DMD: variants seen among roughly 807,000 people sequenced by gnomAD.
DMD encodes the protein mutant dystrophin.
In DMD, 63 loss-of-function variants were observed where a neutral mutation model predicts 330.1. The ratio of observed to expected loss-of-function variants is 0.19; its 90% CI spans 0.16 to 0.24. The LOEUF (loss-of-function observed/expected upper bound fraction) is 0.24, where lower values mean the gene tolerates loss of function less well. DMD is among the 10% of genes least tolerant of loss of function. The pLI, the probability that DMD is intolerant of heterozygous loss-of-function variation, is 1.00. For synonymous variants in DMD, 1,223 were observed against 959.8 expected, an observed-to-expected ratio of 1.27 and a Z score of -5.07; for missense variants, 3,344 against 2,684.1, an observed-to-expected ratio of 1.25 and a Z score of -5.43.
intron 2 of DMD, among the ~76,000 whole-genome samples, chrX:33,007,150 C>A (rs2093412928): frequency 9.0e-6 from 1 of 110,726 alleles, no homozygotes. Context: ...CTGTTCAGAA[C>A]TCTCAAAATC....
At chrX:33,027,404 C>T in intron 1 of DMD, among the ~76,000 whole-genome samples, 1 of 112,451 alleles carries the variant, frequency 8.9e-6, no homozygotes, top group Non-Finnish European at 1.9e-5. Context: ...GCCCTTCTGG[C>T]ATCATGATTT....
chrX:32,253,902 G>A (rs773238369), intron 43 of DMD, among the ~76,000 whole-genome samples: 86 of 111,413 alleles, frequency 7.7e-4, no homozygotes, highest in Non-Finnish European at 1.4e-3. Context: ...GATTACAGGC[G>A]TGAGCCACCA....
chrX:32,872,714 T>G (rs2083091888), intron 2 of DMD, among the ~76,000 whole-genome samples: 1 of 111,685 alleles, frequency 9.0e-6, no homozygotes, highest in South Asian at 3.7e-4. Flanking sequence ...CAAAGGGAAG[T>G]AGGGGAAGTG....
At chrX:31,576,487 G>A (rs749115477) in intron 55 of DMD, among the ~76,000 whole-genome samples, 5 of 106,978 alleles carry the variant, frequency 4.7e-5, no homozygotes, top group Non-Finnish European at 7.7e-5. Context: ...GCCTGACTTT[G>A]TATCCCTGTT....
intron 2 of DMD, among the ~76,000 whole-genome samples, chrX:32,878,654 AAAT>A (rs1363811665): frequency 9.0e-6 from 1 of 111,023 alleles, no homozygotes; most frequent in African/African-American, 3.3e-5. Flanking sequence ...ACTGATTTTT[AAAT>A]AATATCAAAT....
chrX:33,098,484 T>A (rs1489695576), intron 1 of DMD, among the ~76,000 whole-genome samples: 1 of 111,309 alleles, frequency 9.0e-6, no homozygotes, highest in Non-Finnish European at 1.9e-5. Flanking sequence ...AGCATAACCA[T>A]AACCTAGGGC....
chrX:32,610,089 A>G (rs12385244), intron 12 of DMD, among the ~76,000 whole-genome samples: 1 of 111,341 alleles, frequency 9.0e-6, no homozygotes. Flanking sequence ...AAATCCTTTC[A>G]TTCTTTGTCA....
chrX:32,006,767 T>C (rs2095664354), intron 44 of DMD, among the ~76,000 whole-genome samples: 1 of 110,217 alleles, frequency 9.1e-6, no homozygotes, highest in African/African-American at 3.3e-5. Flanking sequence ...ATCCAAAGAC[T>C]GGTGTCCTTT....
intron 1 of DMD, among the ~76,000 whole-genome samples, chrX:33,198,136 A>C (rs979588358): frequency 2.8e-4 from 31 of 111,064 alleles, no homozygotes; most frequent in African/African-American, 1.0e-3. Context: ...GTGTATAGTG[A>C]TAACTCATTG....
intron 28 of DMD, 28 bp downstream of exon 28, chrX:32,441,152 T>C (rs773481760): frequency 8.3e-7 from 1 of 1,201,644 alleles, no homozygotes; most frequent in Non-Finnish European, 1.1e-6. Context: ...ATATAAATTA[T>C]CATCATTTGG....
rs1488207648 is a variant in DMD, at chrX:32,496,522, C to T, written c.2381-5004G>A. On this transcript the variant is annotated intron_variant, in intron 19 of 78. Transcript: ENST00000357033. ...GGCAATATAAATTTTACTAATATAG[C>T]CCTTTTGCGTTTTTATTTTCAAACA... 2.7e-5 allele frequency among the ~76,000 whole-genome samples: 3 copies of T among 111,634 alleles called. No individual in the cohort carries two copies. The East Asian group carries it at 8.5e-4, about 32-fold the overall frequency.
At chrX:32,189,689 G>C (rs747054085) in intron 44 of DMD, among the ~76,000 whole-genome samples, 2 of 109,587 alleles carry the variant, frequency 1.8e-5, no homozygotes, top group East Asian at 5.7e-4. Flanking sequence ...AAGTACATGG[G>C]ACTTTCCAGC....
At chrX:31,353,085 GAGAT>G (rs2058508446) in intron 60 of DMD, among the ~76,000 whole-genome samples, 2 of 110,904 alleles carry the variant, frequency 1.8e-5, no homozygotes, top group South Asian at 7.6e-4. Context: ...AATATTGAAA[GAGAT>G]AGGCAAAAAA....
At chrX:32,491,888 TATC>T (rs752126727) in intron 19 of DMD, among the ~76,000 whole-genome samples, 12 of 112,215 alleles carry the variant, frequency 1.1e-4, no homozygotes, top group Non-Finnish European at 1.9e-4. Flanking sequence ...ACATTTTACA[TATC>T]ATACATATTA....
rs192276577 is a variant in DMD at position 32,604,618 on chromosome X, C to G, written c.1483-8742G>C. On this transcript the variant is annotated intron_variant, in intron 12 of 78. Transcript: ENST00000357033. ...TGGGAAAAAGAAAGTCAAATGATTTCTCTTCACTGATGATAGGATTTTACA... is the reference window on the plus strand; with the variant it reads ...TGGGAAAAAGAAAGTCAAATGATTTGTCTTCACTGATGATAGGATTTTACA... Among the ~76,000 whole-genome samples the G allele has an allele frequency of 9.0e-3, 989 of 110,494 alleles. 19 individuals carry two copies. The highest frequency in any genetic ancestry group is 0.037 in the Admixed American group (386 of 10,390).
intron 9 of DMD, among the ~76,000 whole-genome samples, chrX:32,674,413 A>G (rs1206415543): frequency 8.9e-6 from 1 of 111,767 alleles, no homozygotes; most frequent in Non-Finnish European, 1.9e-5. Context: ...AATATATGCT[A>G]TGAAGGGTGT....
intron 43 of DMD, among the ~76,000 whole-genome samples, chrX:32,249,515 T>C (rs1229814771): frequency 8.9e-6 from 1 of 111,815 alleles, no homozygotes; most frequent in Non-Finnish European, 1.9e-5. Flanking sequence ...AGAGTGCTAA[T>C]GGCAAGGGTC....
intron 7 of DMD, among the ~76,000 whole-genome samples, chrX:32,800,966 T>A (rs1206777155): frequency 5.4e-5 from 6 of 111,467 alleles, no homozygotes; most frequent in Non-Finnish European, 1.1e-4. Context: ...GGCATTTGGG[T>A]TGGTTTCAAG....
intron 4 of DMD, among the ~76,000 whole-genome samples, chrX:32,838,166 C>T (rs1008770600): frequency 1.8e-5 from 2 of 111,645 alleles, no homozygotes; most frequent in African/African-American, 3.3e-5. Context: ...GATACGTTTT[C>T]GTTATTGACT....
Sources: gnomAD v4.1 joint callset for allele counts (sites outside exome capture counted in the v4.1 genomes callset) on GRCh38, gnomAD v4.1.1 for gene constraint, MANE v1.5 for transcripts, NCBI Gene and HGNC (gene_info 2026-07-23, HGNC 2026-07-21) for gene names.